PDS5A: variants seen among roughly 807,000 people sequenced by gnomAD.
PDS5A encodes sister chromatid cohesion protein PDS5 homolog A.
A neutral mutation model predicts 167.1 loss-of-function variants in PDS5A; 42 were observed. The observed-to-expected ratio is 0.25, with a 90% CI of 0.20 to 0.33. The LOEUF is 0.33. PDS5A is among the 10% of genes least tolerant of loss of function. PDS5A has a pLI of 1.00. For missense variants in PDS5A, 1,033 were observed against 1,605.9 expected (o/e 0.64, Z 6.10); for synonymous variants, 553 against 554.6 (o/e 1.00, Z 0.04).
intron 17 of PDS5A, among the ~76,000 whole-genome samples, chr4:39,888,741 T>C (rs1331835787): frequency 6.7e-6 from 1 of 149,530 alleles, no homozygotes; most frequent in Non-Finnish European, 1.5e-5. Context: ...GAGCTAAAAA[T>C]GTGAACCTCA....
At chr4:39,833,970 C>T (rs1286904880) in intron 32 of PDS5A, among the ~76,000 whole-genome samples, 3 of 152,140 alleles carry the variant, frequency 2.0e-5, no homozygotes, top group Non-Finnish European at 2.9e-5. Flanking sequence ...TAGACAAGTA[C>T]GATCAAGATC....
intron 21 of PDS5A, among the ~76,000 whole-genome samples, chr4:39,871,518 T>G (rs1022837173): frequency 2.0e-5 from 3 of 152,312 alleles, no homozygotes; most frequent in African/African-American, 7.2e-5. Flanking sequence ...CAGGTGTCTT[T>G]AAGTTCCTGA....
At chr4:39,901,958 G>T (rs948125533) in intron 13 of PDS5A, among the ~76,000 whole-genome samples, 2 of 152,094 alleles carry the variant, frequency 1.3e-5, no homozygotes, top group African/African-American at 4.8e-5. Flanking sequence ...AAATAATCCA[G>T]TTGGACCATT....
At chr4:39,832,314 T>G (rs1340460533) in intron 32 of PDS5A, among the ~76,000 whole-genome samples, 1 of 151,604 alleles carries the variant, frequency 6.6e-6, no homozygotes, top group East Asian at 2.0e-4. Context: ...CCTGGGTTCA[T>G]GCCATTCTCC....
intron 2 of PDS5A, among the ~76,000 whole-genome samples, chr4:39,974,676 T>C (rs1442530544): frequency 6.6e-6 from 1 of 152,090 alleles, no homozygotes; most frequent in Non-Finnish European, 1.5e-5. Flanking sequence ...TCCCAGTAGC[T>C]AGGATTACAG....
chr4:39,902,360 G>T lies in PDS5A; in HGVS notation c.1486C>A (p.Pro496Thr). ...AAAGTAACTTACTTTACAGCATTTG[G>T]ATCCAAACTAGCATATAAGTAATAT... ...CLYYLYASLD[P>T]NAVKALNEMW... The change falls in exon 13 of 33, where the codon CCA (proline) becomes ACA (threonine). Residue 496 changes from proline (P) to threonine (T), a missense_variant. By Grantham distance (38) the Pro-to-Thr change is conservative (BLOSUM62 -1). Coordinates refer to ENST00000303538, the MANE Select transcript of PDS5A (RefSeq NM_001100399.2). 6.7e-7 allele frequency: 1 copy of T among 1,501,182 alleles called. No homozygotes were observed. The highest frequency in any genetic ancestry group is 9.2e-7 in the Non-Finnish European group (1 of 1,088,630). 93.0% of individuals were successfully genotyped at this position (1,501,182 alleles called of 1,614,324 possible).
chr4:39,869,486 G>C, intron 21 of PDS5A, 24 bp from the exon 22 acceptor site: 4 of 1,449,410 alleles, frequency 2.8e-6, no homozygotes, highest in African/African-American at 1.4e-5. Flanking sequence ...AATAAATTTA[G>C]CTATTAGCAT....
rs1716566272 is a variant in PDS5A at position 39,837,803 on chromosome 4, C to T, written c.4010+53G>A. ...GGTGACTGGCACTAAGAATATACTA[C>T]GAATAAAACAAAATGTCTAAATTCC... is the stretch of plus-strand genomic sequence containing the variant. On this transcript the variant is annotated intron_variant, in intron 32 of 32. Transcript: ENST00000303538. 17 of 1,366,774 alleles carry T rather than the reference C, an allele frequency of 1.2e-5. No homozygotes were observed. The South Asian group carries it at 1.8e-4, about 14-fold the overall frequency. 84.7% of individuals were successfully genotyped at this position (1,366,774 alleles called of 1,614,324 possible). A position where few individuals can be genotyped will look rare whatever the true frequency, so the allele number is the denominator to read the frequency against.
intron 4 of PDS5A, 105 bp downstream of exon 4, chr4:39,926,670 G>A: frequency 1.3e-6 from 1 of 764,338 alleles, no homozygotes; most frequent in East Asian, 3.6e-5. Context: ...TTTTATTATA[G>A]GCTTTGAATA....
intron 26 of PDS5A, among the ~76,000 whole-genome samples, chr4:39,850,629 G>T (rs1464759174): frequency 2.0e-5 from 3 of 152,210 alleles, no homozygotes; most frequent in Non-Finnish European, 4.4e-5. Flanking sequence ...GTTCTGCCGA[G>T]AAACAAGTCT....
intron 2 of PDS5A, among the ~76,000 whole-genome samples, chr4:39,955,054 T>TATAA (rs1035383435): frequency 6.6e-6 from 1 of 151,206 alleles, no homozygotes; most frequent in African/African-American, 2.4e-5. Flanking sequence ...AAACAAAAAA[T>TATAA]ATAAATAAAT....
chr4:39,955,235 C>A (rs1728813698), intron 2 of PDS5A, among the ~76,000 whole-genome samples: 1 of 152,034 alleles, frequency 6.6e-6, no homozygotes, highest in South Asian at 2.1e-4. Flanking sequence ...ATTTACCATG[C>A]TGAAAAATAT....
At chr4:39,880,770 T>G (rs1196567691) in intron 17 of PDS5A, among the ~76,000 whole-genome samples, 1 of 152,146 alleles carries the variant, frequency 6.6e-6, no homozygotes, top group Non-Finnish European at 1.5e-5. Context: ...ACACATCCAT[T>G]ATCTTAAACA....
intron 2 of PDS5A, among the ~76,000 whole-genome samples, chr4:39,975,110 A>G (rs1215266753): frequency 6.7e-6 from 1 of 150,176 alleles, no homozygotes; most frequent in African/African-American, 2.4e-5. Flanking sequence ...CCGTCTCAAA[A>G]AAAAAAAAAA....
chr4:39,951,898 C>CAA (rs1161911794), intron 2 of PDS5A, among the ~76,000 whole-genome samples: 1,875 of 68,660 alleles, frequency 0.027, 110 homozygotes, highest in East Asian at 0.2. Flanking sequence ...GAGTCTGTCT[C>CAA]AAAAAAAAAA....
chr4:39,838,302 T>C (rs1475234049), intron 31 of PDS5A, 94 bp from the exon 32 acceptor site: 2 of 991,320 alleles, frequency 2.0e-6, no homozygotes, highest in Non-Finnish European at 2.9e-6. Context: ...TTTAAAGGAG[T>C]CTGGATTTGA....
chr4:39,973,754 T>C, intron 2 of PDS5A: 2 of 1,296,726 alleles, frequency 1.5e-6, no homozygotes, highest in Middle Eastern at 1.8e-4. Flanking sequence ...GTACGAGCTG[T>C]GCCCAACCAT....
intron 20 of PDS5A, 79 bp from the exon 21 acceptor site, chr4:39,873,223 G>T: frequency 1.2e-6 from 1 of 826,828 alleles, no homozygotes; most frequent in Non-Finnish European, 1.7e-6. Flanking sequence ...ACATTTTCCT[G>T]AGTCCTCCTG....
intron 13 of PDS5A, among the ~76,000 whole-genome samples, chr4:39,901,267 T>TC (rs1722862402): frequency 2.2e-5 from 1 of 44,884 alleles, no homozygotes; most frequent in African/African-American, 7.4e-5. Flanking sequence ...CTTTTCTTTC[T>TC]TTTTTTTTTT....
Sources: allele counts gnomAD v4.1 joint callset (sites outside exome capture counted in the v4.1 genomes callset), GRCh38; gene constraint gnomAD v4.1.1; transcripts MANE v1.5; gene names NCBI Gene and HGNC (gene_info 2026-07-23, HGNC 2026-07-21).